Variants in FER observed in about 807,000 individuals in gnomAD.
FER encodes the protein FER tyrosine kinase.
A neutral mutation model predicts 111.0 loss-of-function variants in FER; 63 were observed. The observed-to-expected ratio is 0.57, with a 90% CI of 0.46 to 0.70. FER has a LOEUF of 0.70. Ranked by LOEUF, FER falls within the 30% of genes least tolerant of loss-of-function variation. The pLI is 0.00. For missense variants in FER, 914 were observed against 954.0 expected (o/e 0.96, Z 0.55); for synonymous variants, 327 against 313.9 (o/e 1.04, Z -0.44).
At chr5:109,098,111 G>A (rs1240207068) in intron 16 of FER, among the ~76,000 whole-genome samples, 1 of 151,782 alleles carries the variant, frequency 6.6e-6, no homozygotes, top group East Asian at 1.9e-4. Flanking sequence ...CTATGTTACA[G>A]TATTTGGAAA....
chr5:108,804,455 T>C (rs1305611004), intron 3 of FER, among the ~76,000 whole-genome samples: 2 of 152,186 alleles, frequency 1.3e-5, no homozygotes, highest in Non-Finnish European at 2.9e-5. Flanking sequence ...CAGTATGATG[T>C]GGGCTGTGTG....
At chr5:109,163,443 G>A (rs1003785985) in intron 17 of FER, among the ~76,000 whole-genome samples, 1 of 152,030 alleles carries the variant, frequency 6.6e-6, no homozygotes, top group Non-Finnish European at 1.5e-5. Flanking sequence ...ATTACATTTA[G>A]CTTTATAAGA....
chr5:108,991,871 T>G (rs1581542601), intron 13 of FER, among the ~76,000 whole-genome samples: 1 of 150,996 alleles, frequency 6.6e-6, no homozygotes, highest in Admixed American at 6.6e-5. Context: ...TTCTTTTTTT[T>G]TTTTAAATTA....
At chr5:109,043,105 G>A (rs1027996497) in intron 14 of FER, among the ~76,000 whole-genome samples, 5 of 152,132 alleles carry the variant, frequency 3.3e-5, no homozygotes, top group Non-Finnish European at 5.9e-5. Flanking sequence ...GTATTATGGA[G>A]GTAGGGTCTG....
chr5:109,178,492 G>T (rs368162941), intron 17 of FER, among the ~76,000 whole-genome samples: 1 of 152,140 alleles, frequency 6.6e-6, no homozygotes, highest in Non-Finnish European at 1.5e-5. Context: ...TCCTATACAC[G>T]ACTAAAGTGT....
chr5:108,853,634 A>C (rs1762732971), intron 5 of FER, among the ~76,000 whole-genome samples: 1 of 152,202 alleles, frequency 6.6e-6, no homozygotes, highest in Admixed American at 6.5e-5. Context: ...GGCATATTTG[A>C]AGATCAGTAC....
At chr5:108,963,704 A>T (rs1398024459) in intron 13 of FER, among the ~76,000 whole-genome samples, 1 of 152,190 alleles carries the variant, frequency 6.6e-6, no homozygotes, top group African/African-American at 2.4e-5. Flanking sequence ...AGAATATTAG[A>T]GTTAGATTTG....
At chr5:108,820,658 A>G in intron 3 of FER, 1 of 403,072 alleles carries the variant, frequency 2.5e-6, no homozygotes, top group Non-Finnish European at 3.4e-6. Flanking sequence ...TAACTGAGCT[A>G]ATGCAGCTCA....
chr5:108,826,271 A>T (rs183659807), intron 3 of FER, among the ~76,000 whole-genome samples: 1 of 152,324 alleles, frequency 6.6e-6, no homozygotes, highest in Admixed American at 6.5e-5. Context: ...CTTGCATCCC[A>T]GGGATAAATC....
At chr5:108,793,932 T>G (rs1755692247) in intron 2 of FER, among the ~76,000 whole-genome samples, 1 of 152,204 alleles carries the variant, frequency 6.6e-6, no homozygotes, top group Non-Finnish European at 1.5e-5. Context: ...ACTTTAACTT[T>G]GACCCCTCTC....
chr5:108,878,391 C>T (rs1765309421), intron 8 of FER, among the ~76,000 whole-genome samples: 1 of 151,934 alleles, frequency 6.6e-6, no homozygotes, highest in Non-Finnish European at 1.5e-5. Flanking sequence ...TGTATTTTTC[C>T]AGAATGTATA....
intron 13 of FER, among the ~76,000 whole-genome samples, chr5:108,969,451 G>A (rs1452092338): frequency 2.6e-5 from 4 of 152,208 alleles, no homozygotes; most frequent in Non-Finnish European, 4.4e-5. Flanking sequence ...TATATAAAAA[G>A]GGTAGGAGTA....
At chr5:108,973,222 A>G (rs1409431079) in intron 13 of FER, among the ~76,000 whole-genome samples, 4 of 152,126 alleles carry the variant, frequency 2.6e-5, no homozygotes, top group African/African-American at 2.4e-5. Context: ...AAAAAACACC[A>G]TTTATCTTTA....
At chr5:108,817,390 A>T (rs747538721) in intron 3 of FER, among the ~76,000 whole-genome samples, 4 of 152,114 alleles carry the variant, frequency 2.6e-5, no homozygotes, top group Non-Finnish European at 5.9e-5. Context: ...TCACAATAAA[A>T]ACTGTTGTTT....
At chr5:109,062,419 G>C (rs1258086906) in intron 16 of FER, among the ~76,000 whole-genome samples, 1 of 152,094 alleles carries the variant, frequency 6.6e-6, no homozygotes, top group Non-Finnish European at 1.5e-5. Flanking sequence ...TCAGTTACTT[G>C]GGAGGCTGAG....
intron 1 of FER, among the ~76,000 whole-genome samples, chr5:108,754,305 G>T (rs376238714): frequency 2.0e-5 from 3 of 151,412 alleles, no homozygotes; most frequent in East Asian, 1.9e-4. Flanking sequence ...TACTAAGGTG[G>T]CTAAGGCAGG....
rs937710904 is a variant in FER at position 108,959,273 on chromosome 5, A to G, written c.1582A>G (p.Ile528Val). The G allele has an allele frequency of 6.2e-7, 1 of 1,612,012 alleles. No homozygotes were observed. ...TGGGTTTTCAAACATTCCTCAACTTATAGATCATCACTATACAACAAAACA... is the reference window on the plus strand; with the variant it reads ...TGGGTTTTCAAACATTCCTCAACTTGTAGATCATCACTATACAACAAAACA... ...GTGFSNIPQLIDHHYTTKQVI... is the reference protein window; with the variant it reads ...GTGFSNIPQLVDHHYTTKQVI... Residue 528 changes from isoleucine to valine, a missense_variant, in exon 13 of 20, where the codon ATA becomes GTA. Coordinates refer to ENST00000281092, the MANE Select transcript of FER (RefSeq NM_005246.4).
chr5:108,887,510 C>T (rs1747361825), intron 9 of FER, among the ~76,000 whole-genome samples: 1 of 151,386 alleles, frequency 6.6e-6, no homozygotes, highest in South Asian at 2.1e-4. Context: ...GTAGCTATCG[C>T]AGAATTTTAT....
At chr5:108,767,550 T>TGA (rs1231913408) in intron 1 of FER, among the ~76,000 whole-genome samples, 2 of 152,188 alleles carry the variant, frequency 1.3e-5, no homozygotes, top group African/African-American at 4.8e-5. Context: ...AGTGGCATGA[T>TGA]CATGGCTCAC....
Sources: gnomAD v4.1 joint callset for allele counts (sites outside exome capture counted in the v4.1 genomes callset) on GRCh38, gnomAD v4.1.1 for gene constraint, MANE v1.5 for transcripts, NCBI Gene and HGNC (gene_info 2026-07-23, HGNC 2026-07-21) for gene names.